Variants in MBTPS1 observed in about 807,000 individuals in gnomAD.
The protein encoded by MBTPS1 is membrane bound transcription factor peptidase, site 1.
MBTPS1 carries 94 observed loss-of-function variants against 127.8 expected under a neutral mutation model. The ratio of observed to expected loss-of-function variants is 0.74; its 90% CI spans 0.62 to 0.87. The LOEUF is 0.87. MBTPS1 is among the 40% of genes least tolerant of loss of function. The pLI is 0.00. For synonymous variants in MBTPS1, 632 were observed against 509.4 expected, an observed-to-expected ratio of 1.24 and a Z score of -3.24; for missense variants, 1,636 against 1,353.2, an observed-to-expected ratio of 1.21 and a Z score of -3.28.
chr16:84,079,288 C>G (rs866522670), intron 11 of MBTPS1, among the ~76,000 whole-genome samples: 1 of 152,176 alleles, frequency 6.6e-6, no homozygotes, highest in South Asian at 2.1e-4. Context: ...TATAAATTAC[C>G]CAGTCTCAGG....
intron 13 of MBTPS1, 101 bp from the exon 14 acceptor site, chr16:84,070,139 T>A: frequency 9.9e-7 from 1 of 1,009,008 alleles, no homozygotes; most frequent in African/African-American, 1.6e-5. Context: ...CCTAAATAAT[T>A]TGAACACAAG....
chr16:84,077,035 G>C (rs1370790034), intron 11 of MBTPS1, among the ~76,000 whole-genome samples: 2 of 152,114 alleles, frequency 1.3e-5, no homozygotes, highest in African/African-American at 4.8e-5. Flanking sequence ...AGACCAGCCT[G>C]GGCAACATGG....
intron 19 of MBTPS1, chr16:84,061,612 C>G (rs1317933615): frequency 6.6e-6 from 1 of 152,252 alleles, no homozygotes; most frequent in Non-Finnish European, 1.5e-5. Context: ...GCTCAACACC[C>G]ATGCAGCATC....
At chr16:84,110,411 A>G (rs1372773874) in intron 1 of MBTPS1, among the ~76,000 whole-genome samples, 1 of 152,178 alleles carries the variant, frequency 6.6e-6, no homozygotes. Context: ...AATAAAAATT[A>G]TGTTTATTAA....
At position 84,054,090 on chromosome 16, in the gene MBTPS1, G is replaced by A. The variant is rs984309178; in HGVS notation, c.*359C>T. On this transcript the variant is annotated 3_prime_UTR_variant, in exon 23 of 23. Coordinates refer to ENST00000343411, the MANE Select transcript of MBTPS1 (RefSeq NM_003791.4). ...ATATAGAAAATAGCCTTTAACAAGC[G>A]TCTTTTAGCTTGGTCAGGGTTGTAT... 18 of 178,324 alleles carry A rather than the reference G, an allele frequency of 1.0e-4. No homozygotes were observed. Among genetic ancestry groups the A allele is most frequent in the African/African-American group, 3.5e-4 (15 of 42,490 alleles). 11.0% of individuals were successfully genotyped at this position (178,324 alleles called of 1,614,324 possible).
At chr16:84,114,554 G>C (rs1027285480) in intron 1 of MBTPS1, among the ~76,000 whole-genome samples, 1 of 151,842 alleles carries the variant, frequency 6.6e-6, no homozygotes, top group African/African-American at 2.4e-5. Context: ...TCCTCAGCTG[G>C]GCGCGGTAGC....
Position 84,056,085 on chromosome 16 carries a change from A to C in MBTPS1, c.2882T>G (p.Val961Gly), listed in dbSNP as rs1415411000. ...KLLSIDLDKV[V>G]LPNFRSNRPQ... ...GCGATTCGATCGAAAGTTGGGTAAC[A>C]CCACCTTGTCCAGGTCAATGGAGAG... is the stretch of plus-strand genomic sequence containing the variant. The change falls in exon 22 of 23, where the codon GTG becomes GGG. Residue 961 changes from valine (V) to glycine (G), a missense_variant. Physicochemically the swap from Val to Gly is moderately radical, Grantham distance 109 (BLOSUM62 -3). Transcript: ENST00000343411. 6.2e-7 allele frequency: 1 copy of C among 1,613,928 alleles called. No homozygotes were observed. The highest frequency in any genetic ancestry group is 8.5e-7 in the Non-Finnish European group (1 of 1,179,904).
At chr16:84,093,881 G>A (rs1180320434) in intron 4 of MBTPS1, 60 bp from the exon 5 acceptor site, 3 of 1,267,014 alleles carry the variant, frequency 2.4e-6, no homozygotes, top group Admixed American at 1.8e-5. Flanking sequence ...TTTGGATTTT[G>A]CCTATAAAAT....
intron 10 of MBTPS1, chr16:84,082,157 T>C: frequency 3.3e-6 from 1 of 300,964 alleles, no homozygotes; most frequent in East Asian, 5.4e-5. Context: ...CACATATTTT[T>C]GTGATAATTC....
At chr16:84,084,702 T>G (rs544941627) in intron 10 of MBTPS1, among the ~76,000 whole-genome samples, 29 of 152,234 alleles carry the variant, frequency 1.9e-4, no homozygotes, top group African/African-American at 6.8e-4. Flanking sequence ...AATGGGATAT[T>G]AGAAAACAGA....
chr16:84,060,867 T>C, intron 19 of MBTPS1, 54 bp from the exon 20 acceptor site: 1 of 1,516,700 alleles, frequency 6.6e-7, no homozygotes, highest in South Asian at 1.2e-5. Flanking sequence ...CCAGACAGAG[T>C]CACGCTCTTG....
At chr16:84,072,841 G>A (rs2085792326) in intron 12 of MBTPS1, among the ~76,000 whole-genome samples, 1 of 152,170 alleles carries the variant, frequency 6.6e-6, no homozygotes, top group Non-Finnish European at 1.5e-5. Context: ...ATCTTCTCCT[G>A]AACCCCACTG....
At chr16:84,099,823 T>A (rs1156452773) in intron 2 of MBTPS1, among the ~76,000 whole-genome samples, 2 of 148,894 alleles carry the variant, frequency 1.3e-5, no homozygotes, top group African/African-American at 4.9e-5. Context: ...CCACAAAGAA[T>A]ACATCATTCG....
rs751460809 is a variant in MBTPS1 at position 84,113,376 on chromosome 16, T to G, written c.-325+3359A>C. 4.8e-4 allele frequency among the ~76,000 whole-genome samples: 73 copies of G among 152,252 alleles called. 1 individual carries two copies. Among genetic ancestry groups the G allele is most frequent in the Non-Finnish European group, 1.2e-4 (8 of 68,048 alleles). ...TATTCCCGTACCTATGGGTTTTTCATGAGAATGATTACACCTCTAATACAC... is the reference window on the plus strand; with the variant it reads ...TATTCCCGTACCTATGGGTTTTTCAGGAGAATGATTACACCTCTAATACAC... On this transcript the variant is annotated intron_variant, in intron 1 of 22. Coordinates refer to ENST00000343411, the MANE Select transcript of MBTPS1 (RefSeq NM_003791.4).
chr16:84,070,055 G>GA lies in MBTPS1; in HGVS notation c.1783-18dup. 6.4e-7 allele frequency: 1 copy of GA among 1,551,878 alleles called. No individual in the cohort carries two copies. Among genetic ancestry groups the GA allele is most frequent in the Non-Finnish European group, 8.7e-7 (1 of 1,155,560 alleles). On this transcript the variant is annotated splice_polypyrimidine_tract_variant and intron_variant, in intron 13 of 22. Transcript: ENST00000343411. ...ATTTTTTGACTAAAAAAAAAGAAAA[G>GA]AAACTTGAAACGCCCTCATTGTGCA... is the stretch of plus-strand genomic sequence containing the variant.
At chr16:84,083,333 G>T (rs1212548567) in intron 10 of MBTPS1, among the ~76,000 whole-genome samples, 1 of 152,192 alleles carries the variant, frequency 6.6e-6, no homozygotes. Flanking sequence ...AGAGAAGACA[G>T]TGTTTCCAGC....
chr16:84,113,254 T>C (rs1383530908), intron 1 of MBTPS1, among the ~76,000 whole-genome samples: 2 of 152,216 alleles, frequency 1.3e-5, no homozygotes, highest in Admixed American at 1.3e-4. Flanking sequence ...GGGCTGTTAC[T>C]GTATCCACTA....
chr16:84,062,130 T>C (rs2085622480), intron 19 of MBTPS1, among the ~76,000 whole-genome samples: 1 of 152,194 alleles, frequency 6.6e-6, no homozygotes, highest in South Asian at 2.1e-4. Flanking sequence ...TATTTTATTA[T>C]TATTTTTTAA....
intron 10 of MBTPS1, among the ~76,000 whole-genome samples, chr16:84,084,393 G>C (rs2085987570): frequency 6.6e-6 from 1 of 152,196 alleles, no homozygotes; most frequent in Admixed American, 6.5e-5. Flanking sequence ...GACATCCTTT[G>C]CTATAGAGAA....
Sources: gnomAD v4.1 joint callset for allele counts (sites outside exome capture counted in the v4.1 genomes callset) on GRCh38, gnomAD v4.1.1 for gene constraint, MANE v1.5 for transcripts, NCBI Gene and HGNC (gene_info 2026-07-23, HGNC 2026-07-21) for gene names.